Variants in WDR83 observed in about 807,000 individuals in gnomAD.
The protein encoded by WDR83 is WD repeat domain-containing protein 83.
In WDR83, 37 loss-of-function variants were observed where a neutral mutation model predicts 37.7. The observed-to-expected ratio is 0.98, with a 90% CI of 0.76 to 1.29. WDR83 has a LOEUF of 1.29. WDR83 is among the 50% of genes most tolerant of loss of function. The probability of loss-of-function intolerance (pLI) is 0.00; values close to 1 mark genes in which losing one functional copy is unlikely to be tolerated. For synonymous variants in WDR83, 174 were observed against 181.1 expected, an observed-to-expected ratio of 0.96 and a Z score of 0.31; for missense variants, 445 against 414.4, an observed-to-expected ratio of 1.07 and a Z score of -0.64.
Position 12,669,434 on chromosome 19 carries a change from C to A in WDR83, c.-36-321C>A, listed in dbSNP as rs1396943444. 5 of 1,577,736 alleles carry A rather than the reference C, an allele frequency of 3.2e-6. No individual in the cohort carries two copies. The South Asian group carries it at 5.8e-5, about 18-fold the overall frequency. The stretch of plus-strand genomic sequence containing the variant: ...GTCGAAGGCCAGATCACGCCTCTTC[C>A]GCTGCAGGAATCGCAGCTTCCGGCG... On this transcript the variant is annotated intron_variant, in intron 2 of 10. Transcript: ENST00000418543.
rs766545860 is a variant in WDR83, at chr19:12,670,560, C to T, written c.331-3C>T. On this transcript the variant is annotated splice_region_variant and splice_polypyrimidine_tract_variant and intron_variant, in intron 5 of 10. Transcript: ENST00000418543. ...CTCCTCTGAGTGGCAATAACTTTCTCAGAAGGTGAACACGGTGCAGTTTAA... is the reference window on the plus strand; with the variant it reads ...CTCCTCTGAGTGGCAATAACTTTCTTAGAAGGTGAACACGGTGCAGTTTAA... 1 of 1,614,212 alleles carries T rather than the reference C, an allele frequency of 6.2e-7. No homozygotes were observed. The highest frequency in any genetic ancestry group is 8.5e-7 in the Non-Finnish European group (1 of 1,180,040).
At chr19:12,675,033 G>A (rs1055196407) in intron 10 of WDR83, among the ~76,000 whole-genome samples, 3 of 151,998 alleles carry the variant, frequency 2.0e-5, no homozygotes, top group African/African-American at 7.2e-5. Context: ...AGAATCGCTT[G>A]AACTAGGGAG....
chr19:12,670,817 GC>G lies in WDR83; in HGVS notation c.503del (p.Ala168GlufsTer8). On this transcript the variant is annotated frameshift_variant, in exon 7 of 11. Coordinates refer to ENST00000418543, the MANE Select transcript of WDR83 (RefSeq NM_001099737.3). LOFTEE classifies it high-confidence loss of function. ...GAAGGTGTCAGACCACGAGATCCTG[GC>G]AGGGTGAGTGGAGCCAGGACCTGGT... ...SVKVSDHEILAGSVDGRVRRY... is the reference protein window; with the variant it reads ...SVKVSDHEILXGSVDGRVRRY... The G allele has an allele frequency of 6.2e-7, 1 of 1,612,756 alleles. No individual in the cohort carries two copies. Among genetic ancestry groups the G allele is most frequent in the Non-Finnish European group, 8.5e-7 (1 of 1,179,536 alleles).
rs199954087 is a variant in WDR83 at position 12,675,703 on chromosome 19, C to G, written c.*31C>G. Reference sequence around the variant, plus strand: ...GGGGACCCACCAACAGGACCAAGGACCGAGACACAGACATGGAAGGACTTC... The same window carrying G: ...GGGGACCCACCAACAGGACCAAGGAGCGAGACACAGACATGGAAGGACTTC... On this transcript the variant is annotated 3_prime_UTR_variant, in exon 11 of 11. Coordinates refer to ENST00000418543, the MANE Select transcript of WDR83 (RefSeq NM_001099737.3). 2 of 1,595,976 alleles carry G rather than the reference C, an allele frequency of 1.3e-6. No homozygotes were observed. Among genetic ancestry groups the G allele is most frequent in the East Asian group, 2.2e-5 (1 of 44,702 alleles).
In WDR83 at chr19:12,669,699, C is replaced by T. The variant is rs959382178; in HGVS notation, c.-36-56C>T. 3.7e-6 allele frequency: 5 copies of T among 1,335,242 alleles called. No homozygotes were observed. The Admixed American group carries it at 9.2e-5, about 25-fold the overall frequency. The allele number at this position is 1,335,242 out of a possible 1,614,324, so 82.7% of individuals were successfully genotyped here. A position where few individuals can be genotyped will look rare whatever the true frequency, so the allele number is the denominator to read the frequency against. On this transcript the variant is annotated intron_variant, in intron 2 of 10. Coordinates refer to ENST00000418543, the MANE Select transcript of WDR83 (RefSeq NM_001099737.3). ...TAAACAGGAAGTAGGTCAGGAAGAACAATAATAAGGTTACACCCAAGCGTG... is the reference window on the plus strand; with the variant it reads ...TAAACAGGAAGTAGGTCAGGAAGAATAATAATAAGGTTACACCCAAGCGTG...
intron 1 of WDR83, among the ~76,000 whole-genome samples, chr19:12,667,497 A>T (rs2024286618): frequency 6.6e-6 from 1 of 152,222 alleles, no homozygotes; most frequent in Non-Finnish European, 1.5e-5. Flanking sequence ...ATGTAAAAAT[A>T]CAAAAATTAG....
At position 12,669,912 on chromosome 19, in the gene WDR83, A is replaced by G. The variant is rs747358917; in HGVS notation, c.103+19A>G. On this transcript the variant is annotated intron_variant, in intron 3 of 10. Coordinates refer to ENST00000418543, the MANE Select transcript of WDR83 (RefSeq NM_001099737.3). ...TTTAATGGTGAGCGCCTTCGTCTTC[A>G]TTCCGGGTCCTCCTCCCGCCTCCTG... 17 of 1,601,592 alleles carry G rather than the reference A, an allele frequency of 1.1e-5. No individual in the cohort carries two copies. The highest frequency in any genetic ancestry group is 1.5e-5 in the Non-Finnish European group (17 of 1,170,698).
intron 7 of WDR83, chr19:12,671,106 T>A: frequency 3.0e-6 from 1 of 328,546 alleles, no homozygotes; most frequent in East Asian, 7.2e-5. Flanking sequence ...GGTGGGCAGA[T>A]CACTTGAGGT....
At chr19:12,671,947 T>C (rs2024433262) in intron 7 of WDR83, among the ~76,000 whole-genome samples, 2 of 152,164 alleles carry the variant, frequency 1.3e-5, no homozygotes, top group Admixed American at 1.3e-4. Flanking sequence ...CCACCTGCCC[T>C]GGCCTCCCAA....
intron 6 of WDR83, 30 bp from the exon 7 acceptor site, chr19:12,670,665 C>G: frequency 6.2e-7 from 1 of 1,614,210 alleles, no homozygotes; most frequent in Non-Finnish European, 8.5e-7. Flanking sequence ...CCCCTCCAAA[C>G]CTGACCTCAC....
intron 10 of WDR83, among the ~76,000 whole-genome samples, chr19:12,673,870 T>C (rs1331645934): frequency 6.6e-6 from 1 of 152,008 alleles, no homozygotes; most frequent in Admixed American, 6.6e-5. Context: ...TGGCTAATTT[T>C]TGTATTTTTA....
chr19:12,672,967 G>A, intron 8 of WDR83, 41 bp from the exon 9 acceptor site: 1 of 1,597,934 alleles, frequency 6.3e-7, no homozygotes, highest in Non-Finnish European at 8.5e-7. Flanking sequence ...GGCCAACCAG[G>A]GGCACCCCAC....
chr19:12,672,499 T>C (rs940834335), intron 7 of WDR83: 7 of 317,040 alleles, frequency 2.2e-5, no homozygotes, highest in Admixed American at 4.2e-5. Flanking sequence ...TCCCATCTAC[T>C]CGGGAGGCTG....
intron 7 of WDR83, chr19:12,672,617 G>C: frequency 3.6e-6 from 2 of 563,346 alleles, no homozygotes; most frequent in Non-Finnish European, 6.4e-6. Flanking sequence ...TCAAACAAAA[G>C]GAAGAAAAGG....
Sources: allele counts gnomAD v4.1 joint callset (sites outside exome capture counted in the v4.1 genomes callset), GRCh38; gene constraint gnomAD v4.1.1; transcripts MANE v1.5; gene names NCBI Gene and HGNC (gene_info 2026-07-23, HGNC 2026-07-21).